The following KHDRBS3 variants were observed in gnomAD, a reference collection of about 807,000 sequenced individuals.
KHDRBS3 encodes KH RNA binding domain containing, signal transduction associated 3.
KHDRBS3 carries 23 observed loss-of-function variants against 45.6 expected under a neutral mutation model. The ratio of observed to expected loss-of-function variants is 0.50; its 90% CI spans 0.36 to 0.72. KHDRBS3 has a LOEUF of 0.72. KHDRBS3 is among the 30% of genes least tolerant of loss of function. The pLI is 0.00. For synonymous variants in KHDRBS3, 162 were observed against 156.5 expected (o/e 1.04, Z -0.26); for missense variants, 352 against 424.8 (o/e 0.83, Z 1.51).
intron 1 of KHDRBS3, among the ~76,000 whole-genome samples, chr8:135,505,777 C>T (rs1304937860): frequency 2.6e-5 from 4 of 152,036 alleles, no homozygotes; most frequent in South Asian, 4.2e-4. Context: ...CTCAGACCTC[C>T]GAGAAATGGG....
chr8:135,516,598 G>GTGTGTGTA (rs1554620992), intron 1 of KHDRBS3, among the ~76,000 whole-genome samples: 1 of 151,848 alleles, frequency 6.6e-6, no homozygotes, highest in African/African-American at 2.4e-5. Context: ...GTGTGTGTGT[G>GTGTGTGTA]AGTAAACAGT....
chr8:135,554,777 T>C (rs1056162193), intron 4 of KHDRBS3, among the ~76,000 whole-genome samples: 5 of 152,334 alleles, frequency 3.3e-5, no homozygotes, highest in African/African-American at 1.2e-4. Flanking sequence ...TTTCAAGTCA[T>C]TTTTTGCATT....
intron 1 of KHDRBS3, among the ~76,000 whole-genome samples, chr8:135,500,485 T>A (rs1165686702): frequency 6.6e-6 from 1 of 152,168 alleles, no homozygotes. Context: ...AGAGGAATTA[T>A]CTGGAAAGGA....
chr8:135,575,690 G>C (rs1394551519), intron 5 of KHDRBS3, among the ~76,000 whole-genome samples: 2 of 152,034 alleles, frequency 1.3e-5, no homozygotes, highest in African/African-American at 4.8e-5. Flanking sequence ...AACAGTTGTG[G>C]CTTTACAGAA....
chr8:135,649,816 A>G (rs1831392517), downstream of KHDRBS3, among the ~76,000 whole-genome samples: 1 of 152,072 alleles, frequency 6.6e-6, no homozygotes, highest in Non-Finnish European at 1.5e-5. Flanking sequence ...ATACTGTACA[A>G]TTTTATGTTT....
At chr8:135,544,994 A>C (rs1826220817) in intron 3 of KHDRBS3, among the ~76,000 whole-genome samples, 1 of 151,950 alleles carries the variant, frequency 6.6e-6, no homozygotes, top group Non-Finnish European at 1.5e-5. Flanking sequence ...CAGTTCTGTT[A>C]ATTCTCAAAC....
At chr8:135,480,220 G>A (rs1822495276) in intron 1 of KHDRBS3, among the ~76,000 whole-genome samples, 1 of 152,100 alleles carries the variant, frequency 6.6e-6, no homozygotes, top group Non-Finnish European at 1.5e-5. Context: ...TTTGTGAAAG[G>A]ATCAGGAACA....
At chr8:135,571,372 CTT>C (rs1383747701) in intron 5 of KHDRBS3, among the ~76,000 whole-genome samples, 29 of 152,152 alleles carry the variant, frequency 1.9e-4, no homozygotes, top group Non-Finnish European at 3.2e-4. Context: ...CTCAAAACCT[CTT>C]TGAAAATCAT....
At chr8:135,486,289 C>A (rs1822859849) in intron 1 of KHDRBS3, among the ~76,000 whole-genome samples, 1 of 152,118 alleles carries the variant, frequency 6.6e-6, no homozygotes, top group African/African-American at 2.4e-5. Context: ...ACTTTTGATT[C>A]CAGATAGTCA....
intron 7 of KHDRBS3, among the ~76,000 whole-genome samples, chr8:135,614,077 A>G (rs375980230): frequency 4.6e-5 from 7 of 152,104 alleles, no homozygotes; most frequent in East Asian, 3.9e-4. Context: ...TGATAATGCT[A>G]ACATTACAGT....
intron 6 of KHDRBS3, among the ~76,000 whole-genome samples, chr8:135,582,430 C>A (rs891260181): frequency 2.6e-5 from 4 of 152,178 alleles, no homozygotes; most frequent in Admixed American, 2.0e-4. Flanking sequence ...TAATTGCCTG[C>A]GTATACCAAG....
intron 1 of KHDRBS3, among the ~76,000 whole-genome samples, chr8:135,459,089 C>G (rs531628742): frequency 6.6e-6 from 1 of 152,284 alleles, no homozygotes; most frequent in East Asian, 1.9e-4. Flanking sequence ...CTGTGGTTCC[C>G]TAGATGAATC....
At chr8:135,552,470 G>A (rs1167738824) in intron 4 of KHDRBS3, among the ~76,000 whole-genome samples, 2 of 152,004 alleles carry the variant, frequency 1.3e-5, no homozygotes, top group East Asian at 1.9e-4. Flanking sequence ...CAACATCTGG[G>A]CCCTCTCCAA....
At chr8:135,642,420 G>T (rs1410871719) in intron 7 of KHDRBS3, among the ~76,000 whole-genome samples, 1 of 152,176 alleles carries the variant, frequency 6.6e-6, no homozygotes, top group Non-Finnish European at 1.5e-5. Context: ...TAGGGCAGTG[G>T]TGTAGCTCAC....
chr8:135,613,369 G>A (rs957136593), intron 7 of KHDRBS3, among the ~76,000 whole-genome samples: 1 of 151,764 alleles, frequency 6.6e-6, no homozygotes. Flanking sequence ...TTTATAAAAT[G>A]TGTAACTGTT....
At chr8:135,525,583 T>G (rs950664627) in intron 2 of KHDRBS3, among the ~76,000 whole-genome samples, 3 of 152,206 alleles carry the variant, frequency 2.0e-5, no homozygotes, top group Admixed American at 2.0e-4. Context: ...AGTTGATATT[T>G]ATAGGTGGGC....
At chr8:135,489,052 A>G (rs888680658) in intron 1 of KHDRBS3, among the ~76,000 whole-genome samples, 1 of 152,190 alleles carries the variant, frequency 6.6e-6, no homozygotes, top group Non-Finnish European at 1.5e-5. Context: ...CTTTTAGTGA[A>G]TGACCATCCA....
intron 5 of KHDRBS3, among the ~76,000 whole-genome samples, chr8:135,572,298 A>C (rs1225901367): frequency 2.0e-5 from 3 of 152,242 alleles, no homozygotes; most frequent in Non-Finnish European, 4.4e-5. Context: ...TACAAAGAGA[A>C]GAAAAATAAC....
At position 135,472,052 on chromosome 8, in the gene KHDRBS3, T is replaced by C. The variant is rs185052482; in HGVS notation, c.88+14098T>C. 5.9e-5 allele frequency among the ~76,000 whole-genome samples: 9 copies of C among 152,310 alleles called. No homozygotes were observed. In the East Asian group the frequency reaches 1.2e-3, roughly 20 times the overall value. ...TAGCCAGTTGGTCTCAGCTTCCTCATTGTGGATGACAGCAATGAATTCATT... is the reference window on the plus strand; with the variant it reads ...TAGCCAGTTGGTCTCAGCTTCCTCACTGTGGATGACAGCAATGAATTCATT... On this transcript the variant is annotated intron_variant, in intron 1 of 8. Coordinates refer to ENST00000355849, the MANE Select transcript of KHDRBS3 (RefSeq NM_006558.3).
Sources: gnomAD v4.1 joint callset for allele counts (sites outside exome capture counted in the v4.1 genomes callset) on GRCh38, gnomAD v4.1.1 for gene constraint, MANE v1.5 for transcripts, NCBI Gene and HGNC (gene_info 2026-07-23, HGNC 2026-07-21) for gene names.